Variants in AMBRA1 observed in about 807,000 individuals in gnomAD.
The protein encoded by AMBRA1 is activating molecule in BECN1-regulated autophagy protein 1.
Under a neutral mutation model 125.4 loss-of-function variants are expected in AMBRA1, and 47 were observed. The observed-to-expected ratio is 0.37, with a 90% CI of 0.30 to 0.48. The LOEUF (loss-of-function observed/expected upper bound fraction) is 0.48. AMBRA1 is among the 20% of genes least tolerant of loss of function. AMBRA1 has a pLI of 0.99. For synonymous variants in AMBRA1, 626 were observed against 655.5 expected (o/e 0.95, Z 0.69); for missense variants, 1,331 against 1,693.4 (o/e 0.79, Z 3.76).
chr11:46,432,743 G>C (rs1947514673), intron 14 of AMBRA1, among the ~76,000 whole-genome samples: 1 of 152,194 alleles, frequency 6.6e-6, no homozygotes, highest in Non-Finnish European at 1.5e-5. Context: ...AAAGTACTAA[G>C]GAAATTCACA....
chr11:46,461,031 T>G (rs1949070890), intron 11 of AMBRA1, among the ~76,000 whole-genome samples: 1 of 152,196 alleles, frequency 6.6e-6, no homozygotes, highest in Admixed American at 6.5e-5. Flanking sequence ...CCCCTTGAGC[T>G]CAGGAGCTCG....
chr11:46,550,291 A>T (rs1393372236), intron 1 of AMBRA1, among the ~76,000 whole-genome samples: 24 of 152,242 alleles, frequency 1.6e-4, no homozygotes, highest in Admixed American at 1.4e-3. Context: ...TTTTGGTGAC[A>T]GTGCGTCACA....
At chr11:46,496,806 A>T (rs1177026286) in intron 9 of AMBRA1, among the ~76,000 whole-genome samples, 9 of 123,458 alleles carry the variant, frequency 7.3e-5, no homozygotes, top group Non-Finnish European at 1.2e-4. Context: ...CCCTTCATTT[A>T]AAAAAAAAAA....
intron 11 of AMBRA1, among the ~76,000 whole-genome samples, chr11:46,485,213 C>G (rs1950224562): frequency 6.6e-6 from 1 of 152,246 alleles, no homozygotes; most frequent in Non-Finnish European, 1.5e-5. Context: ...GCTGGGATTA[C>G]AGGCGTGAGC....
Position 46,544,015 on chromosome 11 carries a change from T to C in AMBRA1, c.578A>G (p.His193Arg). 1 of 1,614,020 alleles carries C rather than the reference T, an allele frequency of 6.2e-7. No homozygotes were observed. The highest frequency in any genetic ancestry group is 8.5e-7 in the Non-Finnish European group (1 of 1,179,930). Residue 193 changes from histidine (H) to arginine (R), a missense_variant, in exon 6 of 18, where the codon CAC becomes CGC. This residue lies in a region of AMBRA1 where 689 missense variants were observed against 776.5 expected (regional missense o/e 0.89). Coordinates refer to ENST00000683756, the MANE Select transcript of AMBRA1 (RefSeq NM_001387011.1). Reference protein sequence around the residue: ...VRLVRFDPLGHYLLTAIVNPS... With the variant: ...VRLVRFDPLGRYLLTAIVNPS... ...GTTAACAATTGCTGTGAGTAAGTAG[T>C]GTCCAAGTGGATCAAATCTCACCAG...
intron 1 of AMBRA1, among the ~76,000 whole-genome samples, chr11:46,579,942 A>G (rs1162270928): frequency 1.3e-5 from 2 of 152,122 alleles, no homozygotes; most frequent in Non-Finnish European, 2.9e-5. Flanking sequence ...TGAACTCCTG[A>G]CCTCATGTGA....
At chr11:46,428,248 C>T (rs770274339) in intron 14 of AMBRA1, among the ~76,000 whole-genome samples, 1 of 152,022 alleles carries the variant, frequency 6.6e-6, no homozygotes, top group African/African-American at 2.4e-5. Context: ...ATGTGTCCTA[C>T]GAACTATTGA....
intron 11 of AMBRA1, among the ~76,000 whole-genome samples, chr11:46,454,723 C>A (rs1948775574): frequency 6.6e-6 from 1 of 151,632 alleles, no homozygotes; most frequent in Non-Finnish European, 1.5e-5. Flanking sequence ...TGCACTCCAG[C>A]CTGGGTGACA....
At chr11:46,476,030 A>C (rs1949799487) in intron 11 of AMBRA1, among the ~76,000 whole-genome samples, 1 of 152,146 alleles carries the variant, frequency 6.6e-6, no homozygotes, top group East Asian at 1.9e-4. Flanking sequence ...TATAGGGGAG[A>C]CACTAATATC....
At chr11:46,484,154 A>C (rs753796583) in intron 11 of AMBRA1, among the ~76,000 whole-genome samples, 1 of 152,208 alleles carries the variant, frequency 6.6e-6, no homozygotes, top group African/African-American at 2.4e-5. Context: ...GGGATATCTA[A>C]TCCTAAAGAA....
chr11:46,399,765 C>T (rs1281474384), intron 17 of AMBRA1, among the ~76,000 whole-genome samples: 1 of 152,154 alleles, frequency 6.6e-6, no homozygotes, highest in Admixed American at 6.6e-5. Context: ...TATTGTTCTC[C>T]TGGGGCTCAA....
chr11:46,410,638 C>A (rs1946240744), intron 15 of AMBRA1, among the ~76,000 whole-genome samples: 1 of 152,204 alleles, frequency 6.6e-6, no homozygotes, highest in South Asian at 2.1e-4. Context: ...CTCCTCGGAG[C>A]TAAGAGACAG....
At position 46,508,241 on chromosome 11, in the gene AMBRA1, G is replaced by A; in HGVS notation, c.2289C>T (p.Asp763=). The A allele has an allele frequency of 6.2e-7, 1 of 1,614,212 alleles. No individual in the cohort carries two copies. Among genetic ancestry groups the A allele is most frequent in the Non-Finnish European group, 8.5e-7 (1 of 1,180,020 alleles). The part of the protein sequence containing the change: ...LRSSTSSSSS[D]NQGPSVEGTD... ...TTCCCTCTACTGATGGACCCTGGTT[G>A]TCTGAGGAAGAGGAGGAGGTGGAAG... is the stretch of plus-strand genomic sequence containing the variant. The change falls in exon 9 of 18, where the codon GAC becomes GAT. Residue 763 remains aspartate, a synonymous_variant. Transcript: ENST00000683756.
intron 5 of AMBRA1, 34 bp downstream of exon 5, chr11:46,545,570 G>C (rs776137482): frequency 6.2e-7 from 1 of 1,607,904 alleles, no homozygotes; most frequent in East Asian, 2.2e-5. Context: ...CGTCAGTCCT[G>C]TGCCAGACAA....
intron 12 of AMBRA1, among the ~76,000 whole-genome samples, chr11:46,438,180 A>C (rs1947819703): frequency 6.6e-6 from 1 of 152,222 alleles, no homozygotes; most frequent in Non-Finnish European, 1.5e-5. Flanking sequence ...GAAGAATGGA[A>C]ATAAAGATTA....
chr11:46,563,803 T>G (rs2043418099), intron 1 of AMBRA1, among the ~76,000 whole-genome samples: 1 of 146,796 alleles, frequency 6.8e-6, no homozygotes, highest in Admixed American at 6.9e-5. Context: ...ATCACACCAC[T>G]GTACTCCAGG....
intron 9 of AMBRA1, 108 bp downstream of exon 9, chr11:46,508,081 TGA>T: frequency 8.8e-7 from 1 of 1,142,024 alleles, no homozygotes; most frequent in Non-Finnish European, 1.3e-6. Flanking sequence ...AAATAATAAT[TGA>T]GGAGTTGGGA....
At chr11:46,500,602 G>A (rs1168392607) in intron 9 of AMBRA1, among the ~76,000 whole-genome samples, 1 of 152,106 alleles carries the variant, frequency 6.6e-6, no homozygotes, top group Non-Finnish European at 1.5e-5. Context: ...CCAGAGTTCG[G>A]GGCTTTCTGA....
chr11:46,474,133 T>C (rs1457390756), intron 11 of AMBRA1, among the ~76,000 whole-genome samples: 2 of 151,964 alleles, frequency 1.3e-5, no homozygotes, highest in East Asian at 1.9e-4. Flanking sequence ...CCCTGAACTT[T>C]TACTGGTTCA....
Sources: allele counts gnomAD v4.1 joint callset (sites outside exome capture counted in the v4.1 genomes callset), GRCh38; gene constraint gnomAD v4.1.1; regional missense constraint gnomAD v4.1.1; transcripts MANE v1.5; gene names NCBI Gene and HGNC (gene_info 2026-07-23, HGNC 2026-07-21).